Variants in ASB3 observed in about 807,000 individuals in gnomAD.
ASB3 encodes ankyrin repeat and SOCS box protein 3.
Under a neutral mutation model 54.5 loss-of-function variants are expected in ASB3, and 41 were observed. The observed-to-expected ratio is 0.75, with a 90% CI of 0.59 to 0.98. ASB3 has a LOEUF of 0.98. Ranked by LOEUF, ASB3 falls within the 50% of genes least tolerant of loss-of-function variation. ASB3 has a pLI of 0.00. For missense variants in ASB3, 733 were observed against 620.0 expected (o/e 1.18, Z -1.94); for synonymous variants, 266 against 221.2 (o/e 1.20, Z -1.80).
At chr2:53,720,018 C>T (rs1383155824) in intron 5 of ASB3, among the ~76,000 whole-genome samples, 2 of 152,158 alleles carry the variant, frequency 1.3e-5, no homozygotes, top group Non-Finnish European at 2.9e-5. Flanking sequence ...TACGTACCTC[C>T]CTCACAAGGA....
chr2:53,729,569 A>T lies in ASB3; in HGVS notation c.357T>A (p.Ala119=). 6.2e-7 allele frequency: 1 copy of T among 1,613,172 alleles called. No individual in the cohort carries two copies. The highest frequency in any genetic ancestry group is 8.5e-7 in the Non-Finnish European group (1 of 1,179,208). Residue 119 remains alanine, a splice_region_variant and synonymous_variant, in exon 4 of 10, where the codon GCT becomes GCA. Transcript: ENST00000263634. ...TLEETTPLFL[A]VENGQIDVLR... is the part of the protein sequence containing the mutation. Reference sequence around the variant, plus strand: ...ACACATCTATCTGTCCATTTTCAACAGCTGTAATACAGCAGTTAGAAAAAT... The same window carrying T: ...ACACATCTATCTGTCCATTTTCAACTGCTGTAATACAGCAGTTAGAAAAAT...
At chr2:53,700,604 A>G in intron 7 of ASB3, 76 bp from the exon 8 acceptor site, 3 of 1,511,030 alleles carry the variant, frequency 2.0e-6, no homozygotes, top group Non-Finnish European at 2.6e-6. Context: ...AACAGTTAAT[A>G]GTAGTTACAG....
intron 1 of ASB3, among the ~76,000 whole-genome samples, chr2:53,768,782 T>C (rs897509913): frequency 2.0e-5 from 3 of 152,208 alleles, no homozygotes; most frequent in Non-Finnish European, 4.4e-5. Flanking sequence ...TCTCAATATA[T>C]GTATAGAGAA....
At chr2:53,698,061 G>C in intron 8 of ASB3, among the ~76,000 whole-genome samples, 1 of 152,176 alleles carries the variant, frequency 6.6e-6, no homozygotes, top group East Asian at 1.9e-4. Flanking sequence ...AAGGCTCTCT[G>C]CAGTGGCTCT....
chr2:53,735,045 T>TA (rs1418827493), intron 3 of ASB3, among the ~76,000 whole-genome samples: 1 of 150,582 alleles, frequency 6.6e-6, no homozygotes, highest in Non-Finnish European at 1.5e-5. Flanking sequence ...TCAGCCTCCC[T>TA]AGTAGCTAGG....
At chr2:53,753,093 T>C (rs1206699701) in intron 2 of ASB3, among the ~76,000 whole-genome samples, 3 of 151,070 alleles carry the variant, frequency 2.0e-5, no homozygotes, top group East Asian at 1.9e-4. Flanking sequence ...GATCCTAGGA[T>C]AGCATGCAGA....
chr2:53,706,524 C>T (rs1335344772), intron 7 of ASB3, among the ~76,000 whole-genome samples: 2 of 151,970 alleles, frequency 1.3e-5, no homozygotes, highest in South Asian at 2.1e-4. Context: ...TGGCTCACTG[C>T]AAGCTCTGCC....
intron 1 of ASB3, chr2:53,774,354 T>C (rs1367788580): frequency 6.2e-7 from 1 of 1,613,358 alleles, no homozygotes; most frequent in Admixed American, 1.7e-5. Context: ...AAGACATTGC[T>C]GAACAAATTT....
At chr2:53,721,734 C>T (rs1315415755) in intron 5 of ASB3, among the ~76,000 whole-genome samples, 1 of 151,966 alleles carries the variant, frequency 6.6e-6, no homozygotes, top group East Asian at 1.9e-4. Flanking sequence ...AAACATCTAG[C>T]TCAGAAAGAA....
At chr2:53,735,957 C>T (rs1446448031) in intron 3 of ASB3, among the ~76,000 whole-genome samples, 2 of 142,780 alleles carry the variant, frequency 1.4e-5, no homozygotes, top group Non-Finnish European at 3.0e-5. Context: ...AGATGGATTG[C>T]GAATTAAATT....
intron 7 of ASB3, among the ~76,000 whole-genome samples, chr2:53,707,474 C>A (rs1403909456): frequency 6.6e-6 from 1 of 151,828 alleles, no homozygotes; most frequent in African/African-American, 2.4e-5. Context: ...GAAACCCCAT[C>A]TCTACTAAAA....
chr2:53,707,961 C>CAAAAA (rs199571236), intron 7 of ASB3, among the ~76,000 whole-genome samples: 3 of 113,796 alleles, frequency 2.6e-5, no homozygotes, highest in Non-Finnish European at 3.8e-5. Flanking sequence ...GACTCTGTCT[C>CAAAAA]AAAAAAAAAA....
At chr2:53,707,636 G>A (rs1460039184) in intron 7 of ASB3, among the ~76,000 whole-genome samples, 2 of 146,366 alleles carry the variant, frequency 1.4e-5, no homozygotes, top group African/African-American at 2.5e-5. Context: ...GACACAGCGA[G>A]ACTCCGTCTC....
intron 5 of ASB3, among the ~76,000 whole-genome samples, chr2:53,721,301 T>C (rs1670694382): frequency 6.7e-6 from 1 of 148,280 alleles, no homozygotes; most frequent in African/African-American, 2.5e-5. Flanking sequence ...ACGCCTGTAA[T>C]CCTAGCATTT....
intron 5 of ASB3, among the ~76,000 whole-genome samples, chr2:53,727,822 T>A (rs1413901674): frequency 2.6e-5 from 4 of 152,042 alleles, no homozygotes; most frequent in Non-Finnish European, 4.4e-5. Context: ...GCCTCCCAGG[T>A]TCAAGCAATT....
chr2:53,769,269 G>A (rs1673720657), intron 1 of ASB3, among the ~76,000 whole-genome samples: 1 of 152,302 alleles, frequency 6.6e-6, no homozygotes, highest in South Asian at 2.1e-4. Flanking sequence ...CCAACACTTC[G>A]GAAGTTTGAG....
intron 3 of ASB3, among the ~76,000 whole-genome samples, chr2:53,743,592 A>C (rs1672056016): frequency 6.6e-6 from 1 of 152,212 alleles, no homozygotes; most frequent in Non-Finnish European, 1.5e-5. Flanking sequence ...ATGTAAGAAC[A>C]ATATAAGGAT....
chr2:53,732,856 A>G (rs1443847174), intron 3 of ASB3, among the ~76,000 whole-genome samples: 3 of 152,216 alleles, frequency 2.0e-5, no homozygotes, highest in Admixed American at 6.5e-5. Context: ...TTACTACCAA[A>G]GCCTCCGCTT....
At chr2:53,757,763 T>C (rs1239628927) in intron 2 of ASB3, among the ~76,000 whole-genome samples, 2 of 152,140 alleles carry the variant, frequency 1.3e-5, no homozygotes, top group African/African-American at 2.4e-5. Flanking sequence ...GTGGGACCCA[T>C]TCCCCACCAC....
Sources: allele counts gnomAD v4.1 joint callset (sites outside exome capture counted in the v4.1 genomes callset), GRCh38; gene constraint gnomAD v4.1.1; transcripts MANE v1.5; gene names NCBI Gene and HGNC (gene_info 2026-07-23, HGNC 2026-07-21).